Variants in IDH3A observed in about 807,000 individuals in gnomAD.
The protein encoded by IDH3A is isocitrate dehydrogenase [NAD] subunit alpha, mitochondrial.
IDH3A carries 23 observed loss-of-function variants against 43.3 expected under a neutral mutation model. That is an observed-to-expected ratio of 0.53 (90% CI 0.38 to 0.75). IDH3A has a LOEUF of 0.75. Ranked by LOEUF, IDH3A falls within the 30% of genes least tolerant of loss-of-function variation. The pLI, the probability that IDH3A is intolerant of heterozygous loss-of-function variation, is 0.00. For synonymous variants in IDH3A, 154 were observed against 163.5 expected (o/e 0.94, Z 0.44); for missense variants, 329 against 474.4 (o/e 0.69, Z 2.85).
At chr15:78,160,868 T>C (rs1490327263) in intron 4 of IDH3A, among the ~76,000 whole-genome samples, 2 of 151,808 alleles carry the variant, frequency 1.3e-5, no homozygotes, top group Non-Finnish European at 2.9e-5. Flanking sequence ...ATGTGGTAGA[T>C]TTAAATTCAG....
In IDH3A at chr15:78,170,698, G is replaced by A. The variant is rs938445209; in HGVS notation, c.*1693G>A. 2.6e-5 allele frequency: 4 copies of A among 152,152 alleles called. No individual in the cohort carries two copies. Among genetic ancestry groups the A allele is most frequent in the Admixed American group, 6.6e-5 (1 of 15,250 alleles). 9.4% of individuals were successfully genotyped at this position (152,152 alleles called of 1,614,324 possible). A position where few individuals can be genotyped will look rare whatever the true frequency, so the allele number is the denominator to read the frequency against. Reference sequence around the variant, plus strand: ...GAGCTGGCTGCTTTTATGAGAATGCGCCACTTGACCCCATCCTGCACCTTT... The same window carrying A: ...GAGCTGGCTGCTTTTATGAGAATGCACCACTTGACCCCATCCTGCACCTTT... On this transcript the variant is annotated 3_prime_UTR_variant, in exon 11 of 11. Transcript: ENST00000299518.
intron 1 of IDH3A, among the ~76,000 whole-genome samples, chr15:78,153,637 G>A (rs984630146): frequency 6.6e-5 from 10 of 152,128 alleles, no homozygotes; most frequent in African/African-American, 2.4e-4. Context: ...TTCAGCAAAG[G>A]TTCAGACCCC....
At chr15:78,168,111 T>C (rs1021985361) in intron 10 of IDH3A, 2 of 152,118 alleles carry the variant, frequency 1.3e-5, no homozygotes, top group Non-Finnish European at 2.9e-5. Flanking sequence ...GAGGCTTTCT[T>C]TCCTAAAGAG....
intron 6 of IDH3A, among the ~76,000 whole-genome samples, chr15:78,163,098 C>T (rs1043503507): frequency 6.6e-6 from 1 of 152,180 alleles, no homozygotes; most frequent in African/African-American, 2.4e-5. Context: ...AATTCTCATC[C>T]AGAGGCTGTT....
At chr15:78,149,554 G>T in intron 1 of IDH3A, 124 bp downstream of exon 1, 1 of 777,632 alleles carries the variant, frequency 1.3e-6, no homozygotes. Flanking sequence ...TGCCCGCGGG[G>T]ACAGCTTGGG....
Position 78,149,386 on chromosome 15 carries a change from G to A in IDH3A, c.-18G>A, listed in dbSNP as rs758030977. 2.6e-6 allele frequency: 4 copies of A among 1,539,728 alleles called. No homozygotes were observed. In the South Asian group the frequency reaches 3.6e-5, roughly 14 times the overall value. On this transcript the variant is annotated 5_prime_UTR_variant, in exon 1 of 11. Coordinates refer to ENST00000299518, the MANE Select transcript of IDH3A (RefSeq NM_005530.3). ...CACTGCCGCTGCGGCTGTTGCTGCG[G>A]AGCCAGGAGGGGAAGCGATGGCTGG...
At chr15:78,156,516 A>G (rs1203656354) in intron 2 of IDH3A, among the ~76,000 whole-genome samples, 3 of 152,316 alleles carry the variant, frequency 2.0e-5, no homozygotes, top group South Asian at 4.2e-4. Flanking sequence ...GAAAAATGAA[A>G]AAAATAAAAA....
rs1452746752 is a variant in IDH3A, at chr15:78,163,742, T to A, written c.741T>A (p.Asp247Glu). 1 of 1,613,296 alleles carries A rather than the reference T, an allele frequency of 6.2e-7. No individual in the cohort carries two copies. The highest frequency in any genetic ancestry group is 8.5e-7 in the Non-Finnish European group (1 of 1,179,364). The change falls in exon 8 of 11, where the codon GAT (aspartate) becomes GAA (glutamate). Residue 247 changes from aspartate (D) to glutamate (E), a missense_variant. By Grantham distance (45) the Asp-to-Glu change is conservative. This residue lies in a region of IDH3A where 212 missense variants were observed against 345.5 expected (regional missense o/e 0.61). Transcript: ENST00000299518. ...LNMVQDPSQFDVLVMPNLYGD... is the reference protein window; with the variant it reads ...LNMVQDPSQFEVLVMPNLYGD... ...TGGTACAAGATCCTTCCCAATTTGA[T>A]GTTCTTGTTATGCCAAATTTGTATG...
intron 3 of IDH3A, 29 bp from the exon 4 acceptor site, chr15:78,160,063 C>A: frequency 1.5e-6 from 2 of 1,323,340 alleles, no homozygotes; most frequent in Non-Finnish European, 2.2e-6. Context: ...GTCTCTCCAG[C>A]TCACTGTGCT....
chr15:78,166,044 C>A, intron 9 of IDH3A, 106 bp from the exon 10 acceptor site: 1 of 1,036,218 alleles, frequency 9.7e-7, no homozygotes, highest in Non-Finnish European at 1.5e-6. Context: ...GCTTTCAGTG[C>A]ATATTTTGTA....
At chr15:78,158,750 CTA>C (rs995535517) in intron 3 of IDH3A, among the ~76,000 whole-genome samples, 11 of 149,734 alleles carry the variant, frequency 7.3e-5, no homozygotes. Flanking sequence ...CGGGCCTGGC[CTA>C]TATATATATT....
chr15:78,157,738 T>TTA, intron 3 of IDH3A, 107 bp downstream of exon 3: 2 of 709,196 alleles, frequency 2.8e-6, no homozygotes, highest in South Asian at 3.5e-5. Context: ...TCTATGAAAT[T>TTA]TAGTCAGGTC....
At chr15:78,166,527 G>T in intron 10 of IDH3A, 1 of 546,152 alleles carries the variant, frequency 1.8e-6, no homozygotes, top group South Asian at 2.0e-5. Context: ...AAGTTAAGCA[G>T]CACTGATGTA....
At position 78,161,801 on chromosome 15, in the gene IDH3A, C is replaced by T; in HGVS notation, c.477+33C>T. 1 of 1,568,962 alleles carries T rather than the reference C, an allele frequency of 6.4e-7. No individual in the cohort carries two copies. Reference sequence around the variant, plus strand: ...CACTCCAGATTCTTTTTTATTCCTGCTTGGACTGCTTTCTGTGCATCTGGG... The same window carrying T: ...CACTCCAGATTCTTTTTTATTCCTGTTTGGACTGCTTTCTGTGCATCTGGG... On this transcript the variant is annotated intron_variant, in intron 5 of 10. Coordinates refer to ENST00000299518, the MANE Select transcript of IDH3A (RefSeq NM_005530.3). The surrounding 1 kb of genome is among the most constrained non-coding windows in gnomAD (Gnocchi z 4.8).
chr15:78,160,810 A>G (rs1375046544), intron 4 of IDH3A, among the ~76,000 whole-genome samples: 1 of 151,328 alleles, frequency 6.6e-6, no homozygotes, highest in African/African-American at 2.4e-5. Flanking sequence ...CATTTTTATT[A>G]TTATTTTAAT....
At chr15:78,164,354 A>T (rs865936335) in intron 8 of IDH3A, among the ~76,000 whole-genome samples, 1,399 of 116,504 alleles carry the variant, frequency 0.012, 13 homozygotes, top group Middle Eastern at 0.018. Flanking sequence ...GGTGATTTTC[A>T]TTTTTTTTTT....
rs755914231 is a variant in IDH3A at position 78,149,454 on chromosome 15, TGGCAGGCA to T, written c.27+32_27+39del. ...AGGTGAGCGCTGGCAGGCCGGCGTG[TGGCAGGCA>T]GGCAGGCCGCGAGGGCTGGCAGGAG... On this transcript the variant is annotated intron_variant, in intron 1 of 10. Coordinates refer to ENST00000299518, the MANE Select transcript of IDH3A (RefSeq NM_005530.3). The T allele has an allele frequency of 3.3e-6, 5 of 1,528,074 alleles. No homozygotes were observed. The South Asian group carries it at 6.0e-5, about 18-fold the overall frequency. 94.7% of individuals were successfully genotyped at this position (1,528,074 alleles called of 1,614,324 possible).
chr15:78,149,363 C>T lies in IDH3A; in HGVS notation c.-41C>T. 2 of 1,516,962 alleles carry T rather than the reference C, an allele frequency of 1.3e-6. No individual in the cohort carries two copies. Among genetic ancestry groups the T allele is most frequent in the Non-Finnish European group, 8.8e-7 (1 of 1,139,248 alleles). The allele number at this position is 1,516,962 out of a possible 1,614,324, so 94.0% of individuals were successfully genotyped here. A position where few individuals can be genotyped will look rare whatever the true frequency, so the allele number is the denominator to read the frequency against. The stretch of plus-strand genomic sequence containing the variant: ...CGAGCGTGGGGTGGGCGCTTGCGCA[C>T]TGCCGCTGCGGCTGTTGCTGCGGAG... On this transcript the variant is annotated 5_prime_UTR_variant, in exon 1 of 11. Coordinates refer to ENST00000299518, the MANE Select transcript of IDH3A (RefSeq NM_005530.3).
rs572923518 is a variant in IDH3A at position 78,162,248 on chromosome 15, C to T, written c.492C>T (p.Val164=). 1.2e-6 allele frequency: 2 copies of T among 1,614,176 alleles called. No homozygotes were observed. Among genetic ancestry groups the T allele is most frequent in the Admixed American group, 1.7e-5 (1 of 60,022 alleles). The part of the protein sequence containing the change: ...SGIEHVIVDG[V]VQSIKLITEG... ...CTGTCTTGCAGATTGTTGATGGAGT[C>T]GTGCAGAGTATCAAGCTCATCACCG... The change falls in exon 6 of 11, where the codon GTC becomes GTT. Residue 164 remains valine, a synonymous_variant. Coordinates refer to ENST00000299518, the MANE Select transcript of IDH3A (RefSeq NM_005530.3).
Sources: allele counts gnomAD v4.1 joint callset (sites outside exome capture counted in the v4.1 genomes callset), GRCh38; gene constraint gnomAD v4.1.1; regional missense constraint gnomAD v4.1.1; non-coding constraint Gnocchi (gnomAD v3.1); transcripts MANE v1.5; gene names NCBI Gene and HGNC (gene_info 2026-07-23, HGNC 2026-07-21).